DTNA: variants seen among roughly 807,000 people sequenced by gnomAD.
DTNA encodes the protein dystrophin-related protein 3.
A neutral mutation model predicts 100.7 loss-of-function variants in DTNA; 43 were observed. That is an observed-to-expected ratio of 0.43 (90% CI 0.33 to 0.55). DTNA has a LOEUF of 0.55. Among genes scored for constraint, DTNA ranks in the 20% least tolerant of loss-of-function variants. DTNA has a pLI of 0.04. For missense variants in DTNA, 798 were observed against 953.9 expected (o/e 0.84, Z 2.15); for synonymous variants, 349 against 347.9 (o/e 1.00, Z -0.04).
chr18:34,633,312 C>G (rs1251155000), intron 1 of DTNA, among the ~76,000 whole-genome samples: 2 of 151,866 alleles, frequency 1.3e-5, no homozygotes, highest in Non-Finnish European at 2.9e-5. Flanking sequence ...TAATTAATGT[C>G]AAAGCTATGA....
chr18:34,798,269 G>A (rs1250457533), intron 4 of DTNA, among the ~76,000 whole-genome samples: 4 of 152,090 alleles, frequency 2.6e-5, no homozygotes, highest in Non-Finnish European at 5.9e-5. Flanking sequence ...CAAAGTACTG[G>A]GATTTACAGG....
chr18:34,730,508 G>A (rs745531018), intron 1 of DTNA, among the ~76,000 whole-genome samples: 12 of 152,148 alleles, frequency 7.9e-5, no homozygotes, highest in Non-Finnish European at 1.8e-4. Context: ...CAAAAACTGA[G>A]GGAACATGGC....
At chr18:34,668,587 A>C (rs536542814) in intron 1 of DTNA, among the ~76,000 whole-genome samples, 66 of 151,308 alleles carry the variant, frequency 4.4e-4, no homozygotes, top group Admixed American at 9.9e-4. Context: ...CCCTCTACAC[A>C]CTGCTTTATA....
intron 1 of DTNA, among the ~76,000 whole-genome samples, chr18:34,670,236 C>T (rs369500354): frequency 1.3e-5 from 2 of 152,312 alleles, no homozygotes; most frequent in Admixed American, 6.5e-5. Context: ...CTTGTGCATT[C>T]GTCACGTAGT....
intron 20 of DTNA, 132 bp from the exon 21 acceptor site, chr18:34,881,937 A>C: frequency 8.0e-7 from 1 of 1,255,632 alleles, no homozygotes; most frequent in South Asian, 1.3e-5. Flanking sequence ...GTATTACTAA[A>C]GAAGACATGA....
chr18:34,875,335 A>C lies in DTNA; in HGVS notation c.1840A>C (p.Thr614Pro). 6.2e-7 allele frequency: 1 copy of C among 1,614,160 alleles called. No individual in the cohort carries two copies. Among genetic ancestry groups the C allele is most frequent in the Non-Finnish European group, 8.5e-7 (1 of 1,180,028 alleles). ...GTCAGCGTCAGCCTGCTCCACCCCG[A>C]CGCACACGCCGCAGGACTCCCTCAC... ...IRSASACSTP[T>P]HTPQDSLTGV... The change falls in exon 18 of 23, where the codon ACG (threonine) becomes CCG (proline). Residue 614 changes from threonine (T) to proline (P), a missense_variant. By Grantham distance (38) the Thr-to-Pro change is conservative. This residue lies in a region of DTNA where 242 missense variants were observed against 238.2 expected (regional missense o/e 1.02). Coordinates refer to ENST00000444659, the MANE Select transcript of DTNA (RefSeq NM_001386795.1).
At chr18:34,714,116 C>A (rs1461983607) in intron 1 of DTNA, among the ~76,000 whole-genome samples, 4 of 151,672 alleles carry the variant, frequency 2.6e-5, no homozygotes, top group South Asian at 2.1e-4. Context: ...TTAGACCTAA[C>A]ACCATAAAAA....
chr18:34,627,174 C>G (rs1318552307), intron 1 of DTNA, among the ~76,000 whole-genome samples: 12 of 151,806 alleles, frequency 7.9e-5, no homozygotes, highest in Non-Finnish European at 2.9e-5. Context: ...TCGATTCATT[C>G]AAAGTATCTA....
chr18:34,831,553 A>G (rs2096010319), intron 11 of DTNA, among the ~76,000 whole-genome samples: 1 of 152,226 alleles, frequency 6.6e-6, no homozygotes, highest in Non-Finnish European at 1.5e-5. Context: ...AGATCACCTG[A>G]GGTCAGGAGT....
intron 1 of DTNA, among the ~76,000 whole-genome samples, chr18:34,725,568 G>A (rs1483774028): frequency 6.6e-6 from 1 of 152,212 alleles, no homozygotes; most frequent in Non-Finnish European, 1.5e-5. Context: ...ACACCAGTTA[G>A]AATGGCGATC....
chr18:34,818,187 T>C lies in DTNA; in HGVS notation c.733T>C (p.Tyr245His). The C allele has an allele frequency of 6.2e-7, 1 of 1,614,098 alleles. No individual in the cohort carries two copies. The highest frequency in any genetic ancestry group is 8.5e-7 in the Non-Finnish European group (1 of 1,179,952). ...ENVFHPVECS[Y>H]CHSESMMGFR... ...AGTCTTCCATCCGGTTGAGTGTTCC[T>C]ACTGCCACAGTGAGAGTATGATGGG... The change falls in exon 8 of 23, where the codon TAC (tyrosine) becomes CAC (histidine). Residue 245 changes from tyrosine (Y) to histidine (H), a missense_variant. This residue lies in a region of DTNA where 81 missense variants were observed against 153.5 expected (regional missense o/e 0.53). Transcript: ENST00000444659.
intron 3 of DTNA, among the ~76,000 whole-genome samples, chr18:34,770,543 T>A (rs920865384): frequency 2.0e-5 from 3 of 152,152 alleles, no homozygotes; most frequent in African/African-American, 7.2e-5. Context: ...GACATTCATG[T>A]TTATTTTCTT....
intron 8 of DTNA, among the ~76,000 whole-genome samples, chr18:34,819,817 T>G (rs1032746043): frequency 6.6e-6 from 1 of 152,012 alleles, no homozygotes; most frequent in African/African-American, 2.4e-5. Flanking sequence ...AATGCTCTTA[T>G]TACTTAGCTT....
intron 3 of DTNA, among the ~76,000 whole-genome samples, chr18:34,784,091 G>A (rs1428431011): frequency 6.6e-6 from 1 of 152,092 alleles, no homozygotes; most frequent in Admixed American, 6.5e-5. Flanking sequence ...CCACACTCTA[G>A]ACCTATGGAT....
intron 2 of DTNA, among the ~76,000 whole-genome samples, chr18:34,757,717 G>A (rs1477333840): frequency 2.6e-5 from 4 of 152,140 alleles, no homozygotes; most frequent in African/African-American, 9.7e-5. Context: ...ACAACTCTAA[G>A]TTTTTCTTCA....
At chr18:34,711,179 G>A (rs1018735355) in intron 1 of DTNA, among the ~76,000 whole-genome samples, 1 of 152,108 alleles carries the variant, frequency 6.6e-6, no homozygotes, top group African/African-American at 2.4e-5. Flanking sequence ...GCTGTGTGGA[G>A]CATCAATTCC....
intron 1 of DTNA, among the ~76,000 whole-genome samples, chr18:34,637,497 A>G (rs971696791): frequency 3.3e-5 from 5 of 152,214 alleles, no homozygotes; most frequent in Non-Finnish European, 4.4e-5. Flanking sequence ...AAATATGGCA[A>G]GTTAGTTAAT....
At chr18:34,708,656 C>T (rs552706179), upstream of DTNA, among the ~76,000 whole-genome samples, 4 of 152,232 alleles carry the variant, frequency 2.6e-5, no homozygotes, top group Non-Finnish European at 5.9e-5. Flanking sequence ...GTTATGTAAA[C>T]CTATGTTAGG....
chr18:34,615,009 C>T (rs188246838), intron 1 of DTNA, among the ~76,000 whole-genome samples: 53 of 152,198 alleles, frequency 3.5e-4, no homozygotes, highest in Middle Eastern at 6.8e-3. Context: ...TTATGTATTA[C>T]GTCATTCTTG....
Sources: allele counts gnomAD v4.1 joint callset (sites outside exome capture counted in the v4.1 genomes callset), GRCh38; gene constraint gnomAD v4.1.1; regional missense constraint gnomAD v4.1.1; transcripts MANE v1.5; gene names NCBI Gene and HGNC (gene_info 2026-07-23, HGNC 2026-07-21).